PCDHA11: variants seen among roughly 807,000 people sequenced by gnomAD.
The protein encoded by PCDHA11 is protocadherin alpha 11.
Under a neutral mutation model 70.3 loss-of-function variants are expected in PCDHA11, and 61 were observed. That is an observed-to-expected ratio of 0.87 (90% confidence interval 0.71 to 1.07). The LOEUF (loss-of-function observed/expected upper bound fraction) is 1.07, where lower values mean the gene tolerates loss of function less well. Ranked by LOEUF, PCDHA11 falls within the 50% of genes least tolerant of loss-of-function variation. PCDHA11 has a pLI of 0.00. For synonymous variants in PCDHA11, 633 were observed against 555.1 expected, an observed-to-expected ratio of 1.14 and a Z score of -1.97; for missense variants, 1,324 against 1,237.5, an observed-to-expected ratio of 1.07 and a Z score of -1.05.
chr5:140,942,266 T>A (rs2093257794), intron 1 of PCDHA11, among the ~76,000 whole-genome samples: 1 of 152,134 alleles, frequency 6.6e-6, no homozygotes, highest in South Asian at 2.1e-4. Flanking sequence ...TATCTAAAGC[T>A]GGTAATGGTG....
At chr5:140,919,014 A>G (rs1008657889) in intron 1 of PCDHA11, among the ~76,000 whole-genome samples, 1 of 152,184 alleles carries the variant, frequency 6.6e-6, no homozygotes, top group Non-Finnish European at 1.5e-5. Context: ...TTCATTTCCT[A>G]GTGATCTTCT....
intron 3 of PCDHA11, among the ~76,000 whole-genome samples, chr5:140,985,631 T>C (rs551279134): frequency 1.2e-4 from 18 of 152,250 alleles, no homozygotes; most frequent in Admixed American, 1.2e-3. Flanking sequence ...GTATTGCTCT[T>C]CTCATCCCAA....
chr5:140,954,536 T>C (rs1438016822), intron 1 of PCDHA11, among the ~76,000 whole-genome samples: 3 of 152,248 alleles, frequency 2.0e-5, no homozygotes, highest in African/African-American at 7.2e-5. Flanking sequence ...GTTGAGGTTT[T>C]TTTCATATGT....
chr5:140,911,381 G>A (rs2075444647), intron 1 of PCDHA11, among the ~76,000 whole-genome samples: 1 of 152,116 alleles, frequency 6.6e-6, no homozygotes, highest in African/African-American at 2.4e-5. Context: ...GGCTGTGCAT[G>A]CACCTTTCAT....
chr5:140,936,091 C>T (rs782416143), intron 1 of PCDHA11, among the ~76,000 whole-genome samples: 2 of 152,046 alleles, frequency 1.3e-5, no homozygotes, highest in Non-Finnish European at 2.9e-5. Flanking sequence ...CAGGGTTTCA[C>T]CATGTTGGCC....
chr5:140,928,012 A>C, intron 1 of PCDHA11: 2 of 1,614,190 alleles, frequency 1.2e-6, no homozygotes, highest in Non-Finnish European at 1.7e-6. Context: ...TTCTAATGGT[A>C]GGGTCATTTG....
chr5:140,908,730 C>G (rs1367655223), intron 1 of PCDHA11, among the ~76,000 whole-genome samples: 4 of 152,124 alleles, frequency 2.6e-5, no homozygotes, highest in Non-Finnish European at 4.4e-5. Context: ...TCATATGGCT[C>G]GAGAAACAGA....
intron 3 of PCDHA11, among the ~76,000 whole-genome samples, chr5:140,991,634 A>G (rs1261533190): frequency 5.9e-5 from 9 of 152,196 alleles, no homozygotes; most frequent in African/African-American, 1.7e-4. Flanking sequence ...TGTAATAACA[A>G]TCTGTTCATG....
rs189790601 is a variant in PCDHA11 at position 140,875,550 on chromosome 5, G to A, written c.2391+4056G>A. ...TTCTGCTCCTTGCAGCCTGGGAGGTGGGGAGCGGCCAGCTCCACTACTCCG... is the reference window on the plus strand; with the variant it reads ...TTCTGCTCCTTGCAGCCTGGGAGGTAGGGAGCGGCCAGCTCCACTACTCCG... On this transcript the variant is annotated intron_variant, in intron 1 of 3. Transcript: ENST00000398640. 51 of 1,614,134 alleles carry A rather than the reference G, an allele frequency of 3.2e-5. No homozygotes were observed. In the African/African-American group the frequency reaches 5.7e-4, roughly 18 times the overall value.
chr5:140,907,263 C>T (rs985030606), intron 1 of PCDHA11, among the ~76,000 whole-genome samples: 2 of 152,220 alleles, frequency 1.3e-5, no homozygotes, highest in Admixed American at 1.3e-4. Flanking sequence ...CTTCAAAAGG[C>T]CATTCCATCA....
At chr5:140,907,913 C>T (rs2073688326) in intron 1 of PCDHA11, among the ~76,000 whole-genome samples, 1 of 152,234 alleles carries the variant, frequency 6.6e-6, no homozygotes, top group Non-Finnish European at 1.5e-5. Context: ...TTTTTGACCA[C>T]TCAGAGAGGT....
intron 1 of PCDHA11, among the ~76,000 whole-genome samples, chr5:140,918,244 T>A (rs1554198493): frequency 6.6e-6 from 1 of 152,236 alleles, no homozygotes; most frequent in Non-Finnish European, 1.5e-5. Context: ...TGATTTTGTA[T>A]GCTGAAACTT....
chr5:140,883,683 G>A lies in PCDHA11; in HGVS notation c.2391+12189G>A, dbSNP rs1015362604. ...GTGAAGGAAAACAATCCGCCGGGCT[G>A]CCACATCTTCACGGTGTCTGCTCAG... On this transcript the variant is annotated intron_variant, in intron 1 of 3. Transcript: ENST00000398640. 4 of 1,613,808 alleles carry A rather than the reference G, an allele frequency of 2.5e-6. No individual in the cohort carries two copies. Among genetic ancestry groups the A allele is most frequent in the Non-Finnish European group, 3.4e-6 (4 of 1,179,896 alleles).
intron 1 of PCDHA11, among the ~76,000 whole-genome samples, chr5:140,907,411 G>A (rs1053744231): frequency 8.5e-5 from 13 of 152,192 alleles, no homozygotes; most frequent in Admixed American, 2.6e-4. Flanking sequence ...GGAATACCAC[G>A]ATGGTGGATA....
intron 1 of PCDHA11, among the ~76,000 whole-genome samples, chr5:140,897,305 G>T (rs952231570): frequency 6.6e-6 from 1 of 150,594 alleles, no homozygotes; most frequent in Non-Finnish European, 1.5e-5. Context: ...TTAGCATTAG[G>T]TATATCTCCT....
intron 1 of PCDHA11, chr5:140,927,386 C>T: frequency 6.2e-7 from 1 of 1,614,106 alleles, no homozygotes; most frequent in African/African-American, 1.3e-5. Flanking sequence ...AGCCTAAGCC[C>T]CAGTCAGCAC....
intron 1 of PCDHA11, chr5:140,883,985 G>A (rs782534317): frequency 1.2e-6 from 2 of 1,612,814 alleles, no homozygotes; most frequent in Admixed American, 1.7e-5. Context: ...GGCTGGCAGC[G>A]CGGGAGGCAC....
At chr5:140,948,563 A>AT (rs1400147953) in intron 1 of PCDHA11, among the ~76,000 whole-genome samples, 1 of 151,546 alleles carries the variant, frequency 6.6e-6, no homozygotes, top group African/African-American at 2.4e-5. Flanking sequence ...GTTAAGTTGT[A>AT]TTTTTTAAAG....
Position 140,869,893 on chromosome 5 carries a change from C to G in PCDHA11, c.790C>G (p.Leu264Val), listed in dbSNP as rs375422597. 3 of 1,610,510 alleles carry G rather than the reference C, an allele frequency of 1.9e-6. No homozygotes were observed. The African/African-American group carries it at 4.0e-5, about 21-fold the overall frequency. ...NAAKETLVLK[L>V]NATDRDEGVN... ...TGCTAAAGAAACTCTTGTGCTCAAA[C>G]TAAACGCCACAGACCGAGACGAAGG... The change falls in exon 1 of 4, where the codon CTA becomes GTA. Residue 264 changes from leucine (L) to valine (V), a missense_variant. By Grantham distance (32) the Leu-to-Val change is conservative (BLOSUM62 1). Transcript: ENST00000398640.
Sources: allele counts gnomAD v4.1 joint callset (sites outside exome capture counted in the v4.1 genomes callset), GRCh38; gene constraint gnomAD v4.1.1; transcripts MANE v1.5; gene names NCBI Gene and HGNC (gene_info 2026-07-23, HGNC 2026-07-21).